Variants in INPP5A observed in about 807,000 individuals in gnomAD.
INPP5A encodes 43 kDa inositol polyphosphate 5-phophatase.
Under a neutral mutation model 65.2 loss-of-function variants are expected in INPP5A, and 14 were observed. The ratio of observed to expected loss-of-function variants is 0.21; its 90% CI spans 0.14 to 0.34. INPP5A has a LOEUF of 0.34. INPP5A is among the 10% of genes least tolerant of loss of function. The pLI is 1.00. For synonymous variants in INPP5A, 207 were observed against 208.3 expected, an observed-to-expected ratio of 0.99 and a Z score of 0.05; for missense variants, 431 against 545.6, an observed-to-expected ratio of 0.79 and a Z score of 2.09.
chr10:132,719,120 C>T (rs1431114596), intron 8 of INPP5A, among the ~76,000 whole-genome samples: 1 of 148,254 alleles, frequency 6.7e-6, no homozygotes, highest in East Asian at 2.0e-4. Flanking sequence ...AGACGACTGT[C>T]TTCAGGGTTC....
At position 132,704,221 on chromosome 10, in the gene INPP5A, G is replaced by A. The variant is rs1439391000; in HGVS notation, c.475-4092G>A. Among the ~76,000 whole-genome samples, 2 of 152,080 alleles carry A rather than the reference G, an allele frequency of 1.3e-5. No individual in the cohort carries two copies. The highest frequency in any genetic ancestry group is 2.9e-5 in the Non-Finnish European group (2 of 68,026). Reference sequence around the variant, plus strand: ...TGAGGCGCCTTGGCCTGCAGGGACGGTACCTTTTCTCCTGGAAAGACGCCT... The same window carrying A: ...TGAGGCGCCTTGGCCTGCAGGGACGATACCTTTTCTCCTGGAAAGACGCCT... On this transcript the variant is annotated intron_variant, in intron 6 of 15. Transcript: ENST00000368594. The surrounding 1 kb of genome is among the most constrained non-coding windows in gnomAD (Gnocchi z 4.5).
At chr10:132,671,598 T>C (rs1465125967) in intron 4 of INPP5A, among the ~76,000 whole-genome samples, 1 of 152,194 alleles carries the variant, frequency 6.6e-6, no homozygotes, top group Non-Finnish European at 1.5e-5. Flanking sequence ...CAAGGATGTG[T>C]TGGGGCCGTA....
intron 4 of INPP5A, among the ~76,000 whole-genome samples, chr10:132,658,862 T>C (rs1329538678): frequency 1.3e-5 from 2 of 151,190 alleles, no homozygotes; most frequent in Non-Finnish European, 2.9e-5. Flanking sequence ...CGCCGGCTGC[T>C]CCCGGTGGCT....
intron 11 of INPP5A, among the ~76,000 whole-genome samples, chr10:132,755,625 T>TG (rs946573520): frequency 4.3e-4 from 65 of 150,838 alleles, no homozygotes; most frequent in African/African-American, 1.4e-3. Context: ...GGTGTGTGTG[T>TG]GTGTGTGAGC....
intron 1 of INPP5A, among the ~76,000 whole-genome samples, chr10:132,581,347 A>G (rs568007896): frequency 1.1e-4 from 16 of 152,356 alleles, no homozygotes; most frequent in African/African-American, 3.6e-4. Context: ...CAAAGACTCT[A>G]TGAACATTCT....
intron 1 of INPP5A, among the ~76,000 whole-genome samples, chr10:132,567,494 G>A (rs1161582272): frequency 2.6e-5 from 4 of 152,190 alleles, no homozygotes; most frequent in Admixed American, 6.5e-5. Flanking sequence ...TTTTAGGTTT[G>A]GTTCCTATGT....
intron 1 of INPP5A, among the ~76,000 whole-genome samples, chr10:132,557,228 G>T (rs1022795158): frequency 2.0e-5 from 3 of 152,244 alleles, no homozygotes; most frequent in African/African-American, 7.2e-5. Flanking sequence ...GAGGGATGGA[G>T]TCCAGGCTGA....
chr10:132,757,337 GC>G (rs1322444940), intron 11 of INPP5A, among the ~76,000 whole-genome samples: 1 of 152,244 alleles, frequency 6.6e-6, no homozygotes. Flanking sequence ...CGCGAGCGGG[GC>G]TCCGCAGAGG....
chr10:132,742,225 C>T (rs1280941950), intron 9 of INPP5A, among the ~76,000 whole-genome samples: 4 of 152,216 alleles, frequency 2.6e-5, no homozygotes, highest in Admixed American at 2.6e-4. Context: ...CCCGTGTGAA[C>T]ACAGAGCTCA....
intron 2 of INPP5A, among the ~76,000 whole-genome samples, chr10:132,633,880 T>A (rs967399460): frequency 6.6e-6 from 1 of 152,178 alleles, no homozygotes; most frequent in Non-Finnish European, 1.5e-5. Context: ...ATGGAGAGAA[T>A]CCTTTCCGTG....
chr10:132,646,569 G>A (rs2072497383), intron 3 of INPP5A, among the ~76,000 whole-genome samples: 1 of 152,228 alleles, frequency 6.6e-6, no homozygotes, highest in Non-Finnish European at 1.5e-5. Flanking sequence ...GTTGCTAATA[G>A]TGGCTGCTGT....
intron 1 of INPP5A, among the ~76,000 whole-genome samples, chr10:132,590,620 C>T (rs866124930): frequency 5.9e-5 from 9 of 152,284 alleles, no homozygotes; most frequent in Admixed American, 4.6e-4. Context: ...TCTCAAGCGT[C>T]GCGTCTAGAA....
intron 2 of INPP5A, among the ~76,000 whole-genome samples, chr10:132,610,356 A>G (rs2071927253): frequency 6.8e-6 from 1 of 146,078 alleles, no homozygotes; most frequent in Non-Finnish European, 1.5e-5. Flanking sequence ...GAGCCCAGTG[A>G]TGGGGGTGGG....
intron 2 of INPP5A, among the ~76,000 whole-genome samples, chr10:132,624,069 C>T (rs1001929444): frequency 9.2e-5 from 14 of 152,316 alleles, no homozygotes; most frequent in African/African-American, 2.9e-4. Flanking sequence ...CTGCTGCTGG[C>T]CCTGCAGATC....
chr10:132,569,283 G>C (rs544845648), intron 1 of INPP5A, among the ~76,000 whole-genome samples: 1 of 151,976 alleles, frequency 6.6e-6, no homozygotes, highest in African/African-American at 2.4e-5. Flanking sequence ...ATCTCACATG[G>C]TTTCTTCTGT....
At chr10:132,734,188 C>G (rs1184548351) in intron 9 of INPP5A, among the ~76,000 whole-genome samples, 1 of 152,204 alleles carries the variant, frequency 6.6e-6, no homozygotes, top group African/African-American at 2.4e-5. Context: ...CAGCTATGCT[C>G]TCGTGTGACG....
At position 132,545,624 on chromosome 10, in the gene INPP5A, G is replaced by T. The variant is rs1465680240; in HGVS notation, c.75+7453G>T. On this transcript the variant is annotated intron_variant, in intron 1 of 15. Transcript: ENST00000368594. The surrounding 1 kb of genome is among the most constrained non-coding windows in gnomAD (Gnocchi z 4.6). ...GGGGAAGAGGGTGCGGAACAGGCAG[G>T]CTGTTCCCATGCGGACCTGAAAGTG... Among the ~76,000 whole-genome samples the T allele has an allele frequency of 6.6e-6, 1 of 152,230 alleles. No individual in the cohort carries two copies. Among genetic ancestry groups the T allele is most frequent in the Non-Finnish European group, 1.5e-5 (1 of 68,028 alleles).
intron 2 of INPP5A, among the ~76,000 whole-genome samples, chr10:132,609,761 C>A (rs1318357017): frequency 2.0e-5 from 3 of 152,204 alleles, no homozygotes; most frequent in African/African-American, 7.2e-5. Context: ...TCTCCTGCCT[C>A]AGCCTCCCAA....
At chr10:132,601,052 GC>G (rs2071770483) in intron 1 of INPP5A, among the ~76,000 whole-genome samples, 1 of 152,186 alleles carries the variant, frequency 6.6e-6, no homozygotes, top group Admixed American at 6.5e-5. Context: ...TTTTGGAGGA[GC>G]TGCCATTTTT....
Sources: gnomAD v4.1 joint callset for allele counts (sites outside exome capture counted in the v4.1 genomes callset) on GRCh38, gnomAD v4.1.1 for gene constraint, Gnocchi (gnomAD v3.1) non-coding constraint, MANE v1.5 for transcripts, NCBI Gene and HGNC (gene_info 2026-07-23, HGNC 2026-07-21) for gene names.